Variants in ATP8B4 observed in about 807,000 individuals in gnomAD.
The protein encoded by ATP8B4 is ATPase phospholipid transporting 8B4 (putative), also known as probable phospholipid-transporting ATPase IM.
ATP8B4 carries 133 observed loss-of-function variants against 145.6 expected under a neutral mutation model. That is an observed-to-expected ratio of 0.91 (90% CI 0.79 to 1.05). The LOEUF (loss-of-function observed/expected upper bound fraction) is 1.05. Ranked by LOEUF, ATP8B4 falls within the 50% of genes least tolerant of loss-of-function variation. ATP8B4 has a pLI of 0.00. For missense variants in ATP8B4, 1,458 were observed against 1,425.2 expected, an observed-to-expected ratio of 1.02 and a Z score of -0.37; for synonymous variants, 507 against 492.9, an observed-to-expected ratio of 1.03 and a Z score of -0.38.
chr15:49,911,258 A>G (rs1409886989), intron 20 of ATP8B4, among the ~76,000 whole-genome samples: 1 of 152,104 alleles, frequency 6.6e-6, no homozygotes, highest in Non-Finnish European at 1.5e-5. Context: ...AATGTGATCT[A>G]TATGCTGCCT....
intron 14 of ATP8B4, among the ~76,000 whole-genome samples, chr15:49,958,803 T>C (rs1202061215): frequency 2.0e-5 from 3 of 151,950 alleles, no homozygotes; most frequent in Non-Finnish European, 4.4e-5. Flanking sequence ...AGATAACTAC[T>C]GTAGACAAGA....
At chr15:50,078,313 T>A (rs1466466259) in intron 2 of ATP8B4, among the ~76,000 whole-genome samples, 1 of 151,678 alleles carries the variant, frequency 6.6e-6, no homozygotes, top group Non-Finnish European at 1.5e-5. Flanking sequence ...CCTGAATAGC[T>A]GGGACTGCAA....
chr15:49,958,795 A>C (rs1197546633), intron 14 of ATP8B4, among the ~76,000 whole-genome samples: 1 of 151,988 alleles, frequency 6.6e-6, no homozygotes, highest in African/African-American at 2.4e-5. Context: ...TTCTAAACAG[A>C]TAACTACTGT....
chr15:50,008,274 C>T (rs2048465769), intron 7 of ATP8B4, among the ~76,000 whole-genome samples: 1 of 152,088 alleles, frequency 6.6e-6, no homozygotes, highest in Admixed American at 6.6e-5. Context: ...GGCGCCACTC[C>T]CAGCTCCCAA....
At chr15:50,029,951 C>T (rs1008694689) in intron 6 of ATP8B4, among the ~76,000 whole-genome samples, 4 of 152,060 alleles carry the variant, frequency 2.6e-5, no homozygotes, top group African/African-American at 9.7e-5. Flanking sequence ...AAGCAAAATG[C>T]CCCTGTAGTA....
Position 49,860,104 on chromosome 15 carries a change from T to A in ATP8B4, c.*90A>T. The A allele has an allele frequency of 6.9e-7, 1 of 1,459,514 alleles. No homozygotes were observed. Among genetic ancestry groups the A allele is most frequent in the Non-Finnish European group, 9.2e-7 (1 of 1,084,066 alleles). The allele number at this position is 1,459,514 out of a possible 1,614,324, so 90.4% of individuals were successfully genotyped here. On this transcript the variant is annotated 3_prime_UTR_variant, in exon 28 of 28. Coordinates refer to ENST00000284509, the MANE Select transcript of ATP8B4 (RefSeq NM_024837.4). ...AGTGAGGCAATCTGCCTGCCCCACC[T>A]CTTGCCTCAAATCTCAAACTCTGGA...
chr15:49,873,409 A>C (rs1342916243), intron 25 of ATP8B4, among the ~76,000 whole-genome samples: 1 of 152,252 alleles, frequency 6.6e-6, no homozygotes, highest in Non-Finnish European at 1.5e-5. Flanking sequence ...GGTTGAATAA[A>C]TTATGGCATA....
chr15:50,025,421 T>C (rs2049934910), intron 6 of ATP8B4, among the ~76,000 whole-genome samples: 1 of 152,200 alleles, frequency 6.6e-6, no homozygotes, highest in Admixed American at 6.5e-5. Flanking sequence ...TCTGGACTTC[T>C]GCCAATCAGT....
chr15:49,939,368 A>AG (rs1256703619), intron 14 of ATP8B4, among the ~76,000 whole-genome samples: 1 of 152,052 alleles, frequency 6.6e-6, no homozygotes, highest in Non-Finnish European at 1.5e-5. Flanking sequence ...AGATTAACAA[A>AG]GAAAAAAAAG....
chr15:50,092,923 T>C (rs1414307614), intron 2 of ATP8B4, among the ~76,000 whole-genome samples: 3 of 151,916 alleles, frequency 2.0e-5, no homozygotes, highest in South Asian at 2.1e-4. Context: ...ATAATAGTAA[T>C]ATTGCTCAAA....
At chr15:49,976,399 T>C (rs2045666453) in intron 12 of ATP8B4, among the ~76,000 whole-genome samples, 3 of 133,466 alleles carry the variant, frequency 2.2e-5, no homozygotes, top group Admixed American at 1.5e-4. Context: ...CTTGAGTGTA[T>C]GAATTTTAAC....
intron 5 of ATP8B4, among the ~76,000 whole-genome samples, chr15:50,041,059 A>T (rs2051243569): frequency 6.6e-6 from 1 of 152,200 alleles, no homozygotes; most frequent in Non-Finnish European, 1.5e-5. Flanking sequence ...AGGTGGTAGG[A>T]TAGTAAGGTG....
rs116072606 is a variant in ATP8B4, at chr15:49,876,837, A to G, written c.2782-314T>C. On this transcript the variant is annotated intron_variant, in intron 24 of 27. Coordinates refer to ENST00000284509, the MANE Select transcript of ATP8B4 (RefSeq NM_024837.4). ...CTTCAAATTGAAGTTTCTTTCCTAC[A>G]CTCTCCTGCAGGCTGTCAGAAGCAT... 3,077 of 453,074 alleles carry G rather than the reference A, an allele frequency of 6.8e-3. 84 individuals are homozygous for G. The highest frequency in any genetic ancestry group is 0.056 in the African/African-American group (2,789 of 50,110). The allele number at this position is 453,074 out of a possible 1,614,324, so 28.1% of individuals were successfully genotyped here. A position where few individuals can be genotyped will look rare whatever the true frequency, so the allele number is the denominator to read the frequency against.
intron 1 of ATP8B4, among the ~76,000 whole-genome samples, chr15:50,175,771 A>C (rs2044752541): frequency 6.6e-6 from 1 of 152,230 alleles, no homozygotes; most frequent in South Asian, 2.1e-4. Flanking sequence ...TAGTACAGCC[A>C]CTATGGAAAA....
Position 50,108,891 on chromosome 15 carries a change from C to A in ATP8B4, c.-42-1883G>T, listed in dbSNP as rs77663624. 9.9e-5 allele frequency among the ~76,000 whole-genome samples: 15 copies of A among 152,148 alleles called. 1 individual carries two copies. The highest frequency in any genetic ancestry group is 3.3e-4 in the Admixed American group (5 of 15,272). On this transcript the variant is annotated intron_variant, in intron 1 of 27. Transcript: ENST00000284509. Reference sequence around the variant, plus strand: ...TCCAGCATCTAATGCCTGTCTGGCACGTAGTAATGCTCAGTAAACACTTGT... The same window carrying A: ...TCCAGCATCTAATGCCTGTCTGGCAAGTAGTAATGCTCAGTAAACACTTGT...
chr15:50,180,165 G>T (rs534635908), intron 1 of ATP8B4, among the ~76,000 whole-genome samples: 41 of 152,172 alleles, frequency 2.7e-4, no homozygotes, highest in African/African-American at 8.9e-4. Context: ...TCAGAAATGG[G>T]CGCATAATCC....
intron 2 of ATP8B4, among the ~76,000 whole-genome samples, chr15:50,101,343 G>A (rs1390385496): frequency 1.3e-5 from 2 of 152,056 alleles, no homozygotes; most frequent in Admixed American, 6.6e-5. Context: ...AAAAACAACA[G>A]AAACCTGTGT....
chr15:50,065,366 A>C (rs1008821586), intron 3 of ATP8B4, among the ~76,000 whole-genome samples: 3 of 152,206 alleles, frequency 2.0e-5, no homozygotes, highest in African/African-American at 7.2e-5. Flanking sequence ...ACAAAATGTA[A>C]AACATGATTG....
intron 2 of ATP8B4, among the ~76,000 whole-genome samples, chr15:50,093,234 T>C (rs2153657193): frequency 6.6e-6 from 1 of 152,042 alleles, no homozygotes; most frequent in Non-Finnish European, 1.5e-5. Context: ...AAAACTATTC[T>C]AGATAGAATG....
Sources: gnomAD v4.1 joint callset for allele counts (sites outside exome capture counted in the v4.1 genomes callset) on GRCh38, gnomAD v4.1.1 for gene constraint, MANE v1.5 for transcripts, NCBI Gene and HGNC (gene_info 2026-07-23, HGNC 2026-07-21) for gene names.